TCF4: variants seen among roughly 807,000 people sequenced by gnomAD.
TCF4 encodes the protein SL3-3 enhancer factor 2.
TCF4 carries 3 observed loss-of-function variants against 82.1 expected under a neutral mutation model. The ratio of observed to expected loss-of-function variants is 0.04; its 90% CI spans 0.02 to 0.09. The LOEUF (loss-of-function observed/expected upper bound fraction) is 0.09. Ranked by LOEUF, TCF4 falls within the 10% of genes least tolerant of loss-of-function variation. The pLI is 1.00. For missense variants in TCF4, 518 were observed against 852.7 expected (o/e 0.61, Z 4.89); for synonymous variants, 276 against 309.6 (o/e 0.89, Z 1.14).
At chr18:55,520,809 C>T (rs955105534) in intron 3 of TCF4, among the ~76,000 whole-genome samples, 1 of 152,184 alleles carries the variant, frequency 6.6e-6, no homozygotes, top group African/African-American at 2.4e-5. Flanking sequence ...TCTGACATTG[C>T]TCCACAGTTT....
intron 5 of TCF4, among the ~76,000 whole-genome samples, chr18:55,409,671 T>C (rs1004908540): frequency 6.6e-6 from 1 of 152,244 alleles, no homozygotes; most frequent in Non-Finnish European, 1.5e-5. Flanking sequence ...TGTAGTTTTC[T>C]ATCAGATAAA....
At chr18:55,260,082 CTT>C (rs2057720881) in intron 12 of TCF4, 55 bp from the exon 13 acceptor site, 16 of 1,329,206 alleles carry the variant, frequency 1.2e-5, no homozygotes, top group Non-Finnish European at 1.7e-5. Context: ...ATAATTCACA[CTT>C]TTCTAAACTA....
intron 5 of TCF4, among the ~76,000 whole-genome samples, chr18:55,412,349 G>GTT (rs545341480): frequency 0.079 from 11,117 of 141,002 alleles, 767 homozygotes; most frequent in African/African-American, 0.18. Flanking sequence ...AATGAAGGCT[G>GTT]TTTTTTTTTT....
chr18:55,302,322 G>A (rs2146980866), intron 8 of TCF4: 1 of 1,147,958 alleles, frequency 8.7e-7, no homozygotes, highest in Non-Finnish European at 1.2e-6. Flanking sequence ...AAAGCAAATG[G>A]GTAACATACA....
intron 6 of TCF4, among the ~76,000 whole-genome samples, chr18:55,394,837 G>A (rs1452355172): frequency 2.0e-5 from 3 of 152,164 alleles, no homozygotes; most frequent in Admixed American, 6.5e-5. Flanking sequence ...ACAAACCCAC[G>A]TCAATATCCA....
At chr18:55,577,165 TAC>T (rs1313730334) in intron 3 of TCF4, among the ~76,000 whole-genome samples, 3 of 143,386 alleles carry the variant, frequency 2.1e-5, no homozygotes, top group Non-Finnish European at 4.5e-5. Context: ...TATGTATATA[TAC>T]ATTTATATAT....
At chr18:55,246,709 T>TC (rs1281026832) in intron 15 of TCF4, among the ~76,000 whole-genome samples, 1 of 150,746 alleles carries the variant, frequency 6.6e-6, no homozygotes, top group Admixed American at 6.6e-5. Context: ...TACCTTTCTG[T>TC]CCTTTTTTTT....
chr18:55,515,809 A>T (rs1244174489), intron 3 of TCF4, among the ~76,000 whole-genome samples: 2 of 152,102 alleles, frequency 1.3e-5, no homozygotes, highest in Non-Finnish European at 2.9e-5. Flanking sequence ...CAAAATTTGG[A>T]GGGGGGTGGG....
intron 5 of TCF4, among the ~76,000 whole-genome samples, chr18:55,413,665 A>ATCCT (rs1246890787): frequency 6.6e-6 from 1 of 152,160 alleles, no homozygotes; most frequent in Non-Finnish European, 1.5e-5. Context: ...CAAGAGAGGA[A>ATCCT]GGTGGGGAGC....
chr18:55,611,705 T>A (rs549929720), intron 2 of TCF4, among the ~76,000 whole-genome samples: 15 of 152,376 alleles, frequency 9.8e-5, no homozygotes, highest in African/African-American at 3.4e-4. Flanking sequence ...TAATATATTT[T>A]ATTGAACATA....
intron 6 of TCF4, among the ~76,000 whole-genome samples, chr18:55,354,899 G>A (rs949587941): frequency 3.9e-5 from 6 of 152,142 alleles, no homozygotes; most frequent in East Asian, 1.9e-4. Context: ...GGGCTTTCTC[G>A]ATTCTGCGTC....
rs566196943 is a variant in TCF4 at position 55,354,164 on chromosome 18, C to T, written c.370-3161G>A. Among the ~76,000 whole-genome samples the T allele has an allele frequency of 2.0e-5, 3 of 152,214 alleles. No homozygotes were observed. In the South Asian group the frequency reaches 6.2e-4, roughly 32 times the overall value. Reference sequence around the variant, plus strand: ...CTCCTAATTTTTTTTCCCAAAAGACCTAAAATACTGTAACCAAAGAATAAA... The same window carrying T: ...CTCCTAATTTTTTTTCCCAAAAGACTTAAAATACTGTAACCAAAGAATAAA... On this transcript the variant is annotated intron_variant, in intron 6 of 19. Coordinates refer to ENST00000354452, the MANE Select transcript of TCF4 (RefSeq NM_001083962.2).
At chr18:55,544,923 G>A (rs540182909) in intron 3 of TCF4, among the ~76,000 whole-genome samples, 2 of 152,250 alleles carry the variant, frequency 1.3e-5, no homozygotes, top group East Asian at 3.9e-4. Context: ...TACTACCACA[G>A]CAAGTACATG....
intron 8 of TCF4, among the ~76,000 whole-genome samples, chr18:55,325,856 T>C (rs1467943182): frequency 6.6e-6 from 1 of 152,230 alleles, no homozygotes; most frequent in Non-Finnish European, 1.5e-5. Context: ...TAACATAGTG[T>C]GAACAAGCCA....
intron 2 of TCF4, chr18:55,585,745 G>A: frequency 2.7e-6 from 3 of 1,096,434 alleles, no homozygotes; most frequent in Non-Finnish European, 3.3e-6. Context: ...ACGTGGCAAT[G>A]TCCATTTCCA....
chr18:55,404,784 G>T (rs1034788867), intron 5 of TCF4, among the ~76,000 whole-genome samples: 1 of 152,174 alleles, frequency 6.6e-6, no homozygotes, highest in South Asian at 2.1e-4. Context: ...GGTCAAAAGG[G>T]TATCCTGTAT....
intron 5 of TCF4, chr18:55,423,453 A>G (rs1173380100): frequency 6.6e-6 from 1 of 151,574 alleles, no homozygotes; most frequent in Non-Finnish European, 1.5e-5. Context: ...ACACACACAC[A>G]CAATCAAGCA....
At chr18:55,542,670 A>G (rs2097174180) in intron 3 of TCF4, among the ~76,000 whole-genome samples, 2 of 151,940 alleles carry the variant, frequency 1.3e-5, no homozygotes, top group Admixed American at 1.3e-4. Context: ...ACACACACAC[A>G]TATATGTACA....
chr18:55,631,989 A>G (rs907524925), intron 1 of TCF4, among the ~76,000 whole-genome samples: 1 of 152,070 alleles, frequency 6.6e-6, no homozygotes, highest in Non-Finnish European at 1.5e-5. Flanking sequence ...CCATGCCTCA[A>G]TGCCCTCTTT....
Sources: allele counts gnomAD v4.1 joint callset (sites outside exome capture counted in the v4.1 genomes callset), GRCh38; gene constraint gnomAD v4.1.1; transcripts MANE v1.5; gene names NCBI Gene and HGNC (gene_info 2026-07-23, HGNC 2026-07-21).